ATG16L1: variants seen among roughly 807,000 people sequenced by gnomAD.
The protein encoded by ATG16L1 is autophagy related 16 like 1.
In ATG16L1, 37 loss-of-function variants were observed where a neutral mutation model predicts 88.5. The observed-to-expected ratio is 0.42, with a 90% CI of 0.32 to 0.55. The LOEUF is 0.55. Ranked by LOEUF, ATG16L1 falls within the 20% of genes least tolerant of loss-of-function variation. The pLI is 0.13. For missense variants in ATG16L1, 554 were observed against 752.8 expected, an observed-to-expected ratio of 0.74 and a Z score of 3.09; for synonymous variants, 301 against 281.0, an observed-to-expected ratio of 1.07 and a Z score of -0.71.
intron 16 of ATG16L1, 85 bp from the exon 17 acceptor site, chr2:233,293,171 C>T: frequency 8.3e-7 from 1 of 1,199,952 alleles, no homozygotes; most frequent in East Asian, 2.3e-5. Flanking sequence ...GAAGAACAAA[C>T]ATTCCTTCTT....
intron 12 of ATG16L1, among the ~76,000 whole-genome samples, chr2:233,289,647 C>G (rs1481182188): frequency 6.6e-6 from 1 of 152,186 alleles, no homozygotes; most frequent in Non-Finnish European, 1.5e-5. Context: ...ACACCTTGGC[C>G]TCCCAGTGTG....
intron 7 of ATG16L1, 50 bp from the exon 8 acceptor site, chr2:233,273,671 T>C (rs758460489): frequency 2.5e-5 from 39 of 1,576,976 alleles, no homozygotes; most frequent in Non-Finnish European, 3.2e-5. Flanking sequence ...TGATTGATTA[T>C]TTGGGCAAAA....
At chr2:233,266,445 C>T (rs929074287) in intron 5 of ATG16L1, among the ~76,000 whole-genome samples, 4 of 152,036 alleles carry the variant, frequency 2.6e-5, no homozygotes, top group Admixed American at 2.6e-4. Flanking sequence ...AGTGACAGAG[C>T]GAGACCCCAT....
intron 10 of ATG16L1, among the ~76,000 whole-genome samples, chr2:233,278,392 C>T (rs1011382320): frequency 1.6e-4 from 24 of 152,304 alleles, no homozygotes; most frequent in Admixed American, 7.8e-4. Flanking sequence ...AGGTTTTTAA[C>T]GGGAACCACT....
chr2:233,263,250 T>C lies in ATG16L1; in HGVS notation c.315+15T>C, dbSNP rs1311857631. On this transcript the variant is annotated intron_variant, in intron 3 of 17. Transcript: ENST00000392017. ...AACGTGGGGAGGTAAAGCTAGCCCT[T>C]TTCCTCATCTGTCTTCTGCCCTCTA... 1 of 1,607,408 alleles carries C rather than the reference T, an allele frequency of 6.2e-7. No homozygotes were observed. The highest frequency in any genetic ancestry group is 1.3e-5 in the African/African-American group (1 of 74,708).
chr2:233,276,021 C>T (rs187253032), intron 9 of ATG16L1: 1 of 503,920 alleles, frequency 2.0e-6, no homozygotes. Flanking sequence ...AGAAAGAAAC[C>T]ATAAAAAAGA....
intron 12 of ATG16L1, among the ~76,000 whole-genome samples, chr2:233,288,355 C>T (rs901468176): frequency 6.6e-6 from 1 of 152,196 alleles, no homozygotes; most frequent in Admixed American, 6.5e-5. Context: ...GATCTGGGCT[C>T]CTTGCAGCCT....
Position 233,282,742 on chromosome 2 carries a change from T to C in ATG16L1, c.1192T>C (p.Tyr398His), listed in dbSNP as rs756137361. ...FASRIWTVDD[Y>H]RLRHTLTGHS... ...AAGCCGAATCTGGACTGTGGATGAT[T>C]ATCGATTACGGGTAAGACCCAGTTA... Residue 398 changes from tyrosine to histidine, a missense_variant, in exon 12 of 18, where the codon TAT (tyrosine) becomes CAT (histidine). Coordinates refer to ENST00000392017, the MANE Select transcript of ATG16L1 (RefSeq NM_030803.7). 21 of 1,613,918 alleles carry C rather than the reference T, an allele frequency of 1.3e-5. No homozygotes were observed. Among genetic ancestry groups the C allele is most frequent in the Middle Eastern group, 3.3e-4 (2 of 6,084 alleles).
At chr2:233,252,218 T>C (rs893664782) in intron 1 of ATG16L1, among the ~76,000 whole-genome samples, 1 of 152,286 alleles carries the variant, frequency 6.6e-6, no homozygotes, top group African/African-American at 2.4e-5. Context: ...ACAATGCTTA[T>C]GCACTTAAAT....
At chr2:233,281,722 C>T (rs868506336) in intron 11 of ATG16L1, among the ~76,000 whole-genome samples, 3 of 152,084 alleles carry the variant, frequency 2.0e-5, no homozygotes, top group Non-Finnish European at 4.4e-5. Flanking sequence ...TTGGGCTGGG[C>T]GAGTGCAGGA....
At chr2:233,273,133 C>A in intron 7 of ATG16L1, 81 bp downstream of exon 7, 1 of 1,159,836 alleles carries the variant, frequency 8.6e-7, no homozygotes, top group Non-Finnish European at 1.3e-6. Context: ...ACAAAGAATG[C>A]AGTCAGATGC....
chr2:233,267,817 G>A (rs988570555), intron 5 of ATG16L1, among the ~76,000 whole-genome samples: 1 of 152,184 alleles, frequency 6.6e-6, no homozygotes, highest in Admixed American at 6.5e-5. Flanking sequence ...GCAGTGGACG[G>A]GGGGTAATGC....
chr2:233,264,882 A>G lies in ATG16L1; in HGVS notation c.390-10A>G. 1 of 1,613,564 alleles carries G rather than the reference A, an allele frequency of 6.2e-7. No individual in the cohort carries two copies. The highest frequency in any genetic ancestry group is 1.1e-5 in the South Asian group (1 of 91,062). ...GAGGTACTATTCGTCCTCTGATGTCATGCTTCCAGAATTGCAGAATGTTTG... is the reference window on the plus strand; with the variant it reads ...GAGGTACTATTCGTCCTCTGATGTCGTGCTTCCAGAATTGCAGAATGTTTG... On this transcript the variant is annotated splice_polypyrimidine_tract_variant and intron_variant, in intron 4 of 17. Coordinates refer to ENST00000392017, the MANE Select transcript of ATG16L1 (RefSeq NM_030803.7).
chr2:233,269,629 T>C (rs1489111841), intron 5 of ATG16L1, among the ~76,000 whole-genome samples: 1 of 152,252 alleles, frequency 6.6e-6, no homozygotes, highest in Non-Finnish European at 1.5e-5. Context: ...TAATGGATGC[T>C]CAACCCGTGT....
intron 12 of ATG16L1, among the ~76,000 whole-genome samples, chr2:233,288,355 C>G (rs901468176): frequency 2.0e-5 from 3 of 152,196 alleles, no homozygotes; most frequent in Non-Finnish European, 4.4e-5. Context: ...GATCTGGGCT[C>G]CTTGCAGCCT....
At chr2:233,257,231 G>T (rs561642227) in intron 2 of ATG16L1, among the ~76,000 whole-genome samples, 1 of 152,032 alleles carries the variant, frequency 6.6e-6, no homozygotes, top group Non-Finnish European at 1.5e-5. Context: ...GGGTTTCACC[G>T]TGTTAGCCAG....
At position 233,251,941 on chromosome 2, in the gene ATG16L1, G is replaced by A; in HGVS notation, c.114G>A (p.Gln38=). 1 of 1,542,958 alleles carries A rather than the reference G, an allele frequency of 6.5e-7. No individual in the cohort carries two copies. Residue 38 remains glutamine (Q), a splice_region_variant and synonymous_variant, in exon 1 of 18, where the codon CAG becomes CAA. Coordinates refer to ENST00000392017, the MANE Select transcript of ATG16L1 (RefSeq NM_030803.7). ...QRQAFEEIIL[Q]YNKLLEKSDL... is the part of the protein sequence containing the mutation. The stretch of plus-strand genomic sequence containing the variant: ...AGGCGTTCGAGGAGATCATCCTGCA[G>A]TGTGAGCGGCGCCGGTGCGGGCTGG...
At chr2:233,265,626 C>T (rs1237052875) in intron 5 of ATG16L1, among the ~76,000 whole-genome samples, 2 of 152,096 alleles carry the variant, frequency 1.3e-5, no homozygotes, top group African/African-American at 4.8e-5. Flanking sequence ...TACACCACCA[C>T]GCCTGGCTAA....
At chr2:233,253,733 A>T (rs1238245765) in intron 1 of ATG16L1, among the ~76,000 whole-genome samples, 1 of 152,204 alleles carries the variant, frequency 6.6e-6, no homozygotes, top group African/African-American at 2.4e-5. Context: ...CTTTGCTTTC[A>T]CTGCACCCAT....
Sources: gnomAD v4.1 joint callset for allele counts (sites outside exome capture counted in the v4.1 genomes callset) on GRCh38, gnomAD v4.1.1 for gene constraint, MANE v1.5 for transcripts, NCBI Gene and HGNC (gene_info 2026-07-23, HGNC 2026-07-21) for gene names.